Variants in ADAMTSL1 observed in about 807,000 individuals in gnomAD.
ADAMTSL1 encodes ADAMTS-like protein 1.
ADAMTSL1 carries 126 observed loss-of-function variants against 201.8 expected under a neutral mutation model. The observed-to-expected ratio is 0.62, with a 90% CI of 0.54 to 0.72. The LOEUF is 0.72. Ranked by LOEUF, ADAMTSL1 falls within the 30% of genes least tolerant of loss-of-function variation. ADAMTSL1 has a pLI of 0.00. For synonymous variants in ADAMTSL1, 1,121 were observed against 903.4 expected (o/e 1.24, Z -4.32); for missense variants, 2,679 against 2,277.8 (o/e 1.18, Z -3.59).
At chr9:18,388,334 A>G (rs1547687) in intron 2 of ADAMTSL1, among the ~76,000 whole-genome samples, 12,577 of 151,728 alleles carry the variant, frequency 0.083, 1,547 homozygotes, top group African/African-American at 0.27. Context: ...GCAATGGCAC[A>G]ATCACAGCTC....
At chr9:18,573,923 C>G (rs1030583059) in intron 3 of ADAMTSL1, 107 bp from the exon 4 acceptor site, 1 of 788,534 alleles carries the variant, frequency 1.3e-6, no homozygotes, top group Non-Finnish European at 2.1e-6. Context: ...ATGACCAGGA[C>G]ATTTGTTTTG....
intron 2 of ADAMTSL1, among the ~76,000 whole-genome samples, chr9:18,218,930 TG>T (rs1418005532): frequency 3.3e-5 from 5 of 152,148 alleles, no homozygotes; most frequent in African/African-American, 1.2e-4. Context: ...ATTTAATAAA[TG>T]ATTTAATATA....
chr9:18,147,210 T>C (rs542031747), intron 1 of ADAMTSL1, among the ~76,000 whole-genome samples: 1 of 152,102 alleles, frequency 6.6e-6, no homozygotes, highest in Non-Finnish European at 1.5e-5. Context: ...ATTTTGCTGA[T>C]TTGTGAGGAT....
At chr9:18,595,059 C>G (rs750196649) in intron 4 of ADAMTSL1, among the ~76,000 whole-genome samples, 2 of 152,166 alleles carry the variant, frequency 1.3e-5, no homozygotes, top group Non-Finnish European at 2.9e-5. Flanking sequence ...ATCTTGCCCA[C>G]AAGTCTCACA....
At chr9:18,582,802 T>C (rs1420450774) in intron 4 of ADAMTSL1, among the ~76,000 whole-genome samples, 1 of 151,264 alleles carries the variant, frequency 6.6e-6, no homozygotes, top group Non-Finnish European at 1.5e-5. Context: ...TGAGCCAAGA[T>C]TGCACCACTG....
chr9:18,549,632 C>G (rs889771334), intron 3 of ADAMTSL1, among the ~76,000 whole-genome samples: 3 of 151,956 alleles, frequency 2.0e-5, no homozygotes, highest in Admixed American at 2.0e-4. Flanking sequence ...GTGTCTGGGA[C>G]TATTGAACTT....
chr9:18,408,397 G>A (rs560622436), intron 2 of ADAMTSL1, among the ~76,000 whole-genome samples: 7 of 152,204 alleles, frequency 4.6e-5, no homozygotes, highest in Admixed American at 1.3e-4. Context: ...CTTGAACCCA[G>A]GAGACAGAGG....
intron 23 of ADAMTSL1, among the ~76,000 whole-genome samples, chr9:18,839,210 A>G (rs62549136): frequency 0.24 from 29,016 of 121,484 alleles, 3,187 homozygotes; most frequent in Middle Eastern, 0.42. Context: ...CAGTCCCCAG[A>G]GTGTAATGTT....
At chr9:18,012,619 A>G (rs1820098084) in intron 1 of ADAMTSL1, among the ~76,000 whole-genome samples, 1 of 152,052 alleles carries the variant, frequency 6.6e-6, no homozygotes, top group Admixed American at 6.6e-5. Context: ...GAATGCTGAG[A>G]CAGGTGACAG....
At chr9:18,858,876 G>A (rs1251506927) in intron 23 of ADAMTSL1, among the ~76,000 whole-genome samples, 1 of 152,172 alleles carries the variant, frequency 6.6e-6, no homozygotes, top group African/African-American at 2.4e-5. Flanking sequence ...TCTAATATAT[G>A]TGCAAATATG....
chr9:18,208,962 C>T (rs1829760239), intron 2 of ADAMTSL1, among the ~76,000 whole-genome samples: 1 of 149,868 alleles, frequency 6.7e-6, no homozygotes, highest in South Asian at 2.1e-4. Flanking sequence ...ATGGGGAAAA[C>T]AATGAATGAC....
At chr9:18,017,909 T>A (rs1586901756) in intron 1 of ADAMTSL1, among the ~76,000 whole-genome samples, 1 of 152,076 alleles carries the variant, frequency 6.6e-6, no homozygotes, top group South Asian at 2.1e-4. Context: ...GTCAGATCAA[T>A]GCACATGTAA....
chr9:18,630,535 A>G lies in ADAMTSL1; in HGVS notation c.602-5408A>G, dbSNP rs1319634519. 3.3e-5 allele frequency among the ~76,000 whole-genome samples: 5 copies of G among 152,118 alleles called. No homozygotes were observed. In the East Asian group the frequency reaches 7.7e-4, roughly 23 times the overall value. On this transcript the variant is annotated intron_variant, in intron 5 of 28. Transcript: ENST00000380548. ...ACTCTTGGCTTTGTCTACTCAATTC[A>G]GGGAATCTACTGAGCTCTACAGGTC...
intron 1 of ADAMTSL1, among the ~76,000 whole-genome samples, chr9:18,502,793 T>G (rs1185695155): frequency 6.6e-6 from 1 of 152,080 alleles, no homozygotes; most frequent in Non-Finnish European, 1.5e-5. Context: ...AGTCAGGGAT[T>G]TCAGGGAGAT....
rs150393650 is a variant in ADAMTSL1 at position 18,613,006 on chromosome 9, A to G, written c.475-9237A>G. On this transcript the variant is annotated intron_variant, in intron 4 of 28. Transcript: ENST00000380548. ...ACATCCAGCATCTATAAGAAATTAA[A>G]CAAATTTATAAGAAAAAAACAATGC... 3.3e-5 allele frequency among the ~76,000 whole-genome samples: 5 copies of G among 152,344 alleles called. No individual in the cohort carries two copies. In the East Asian group the frequency reaches 9.6e-4, roughly 29 times the overall value.
intron 1 of ADAMTSL1, among the ~76,000 whole-genome samples, chr9:17,945,746 C>T (rs1330435441): frequency 1.4e-5 from 2 of 143,688 alleles, no homozygotes; most frequent in Non-Finnish European, 3.0e-5. Flanking sequence ...TATTCTCACT[C>T]ATAGGTGGGA....
chr9:18,847,180 C>G (rs767709325), intron 23 of ADAMTSL1, among the ~76,000 whole-genome samples: 6 of 152,134 alleles, frequency 3.9e-5, no homozygotes, highest in Non-Finnish European at 8.8e-5. Flanking sequence ...GTGAGAAAAG[C>G]TCTATAGGCT....
At chr9:18,447,877 G>T (rs1820255989) in intron 2 of ADAMTSL1, among the ~76,000 whole-genome samples, 1 of 152,194 alleles carries the variant, frequency 6.6e-6, no homozygotes, top group Non-Finnish European at 1.5e-5. Context: ...ATAAAAAATT[G>T]CAGGTGTCGA....
chr9:18,371,967 C>G (rs1301829338), intron 2 of ADAMTSL1, among the ~76,000 whole-genome samples: 1 of 152,182 alleles, frequency 6.6e-6, no homozygotes, highest in Non-Finnish European at 1.5e-5. Flanking sequence ...AATTCTAACA[C>G]AGGCAAAATA....
Sources: gnomAD v4.1 joint callset for allele counts (sites outside exome capture counted in the v4.1 genomes callset) on GRCh38, gnomAD v4.1.1 for gene constraint, MANE v1.5 for transcripts, NCBI Gene and HGNC (gene_info 2026-07-23, HGNC 2026-07-21) for gene names.